PIK3C2G: variants seen among roughly 807,000 people sequenced by gnomAD.
The protein encoded by PIK3C2G is phosphatidylinositol-4-phosphate 3-kinase catalytic subunit type 2 gamma, also known as phosphatidylinositol 3-kinase C2 domain-containing subunit gamma.
A neutral mutation model predicts 181.1 loss-of-function variants in PIK3C2G; 168 were observed. That is an observed-to-expected ratio of 0.93 (90% CI 0.82 to 1.05). The LOEUF (loss-of-function observed/expected upper bound fraction) is 1.05, where lower values mean the gene tolerates loss of function less well. PIK3C2G is among the 50% of genes least tolerant of loss of function. The probability of loss-of-function intolerance (pLI) is 0.00; values close to 1 mark genes in which losing one functional copy is unlikely to be tolerated. For missense variants in PIK3C2G, 1,869 were observed against 1,732.8 expected, an observed-to-expected ratio of 1.08 and a Z score of -1.40; for synonymous variants, 573 against 592.2, an observed-to-expected ratio of 0.97 and a Z score of 0.47.
chr12:18,312,688 C>T (rs1950690373), intron 5 of PIK3C2G, among the ~76,000 whole-genome samples: 1 of 151,998 alleles, frequency 6.6e-6, no homozygotes, highest in Non-Finnish European at 1.5e-5. Context: ...CCTATGGATA[C>T]CCCAGGGACA....
chr12:18,676,189 A>C, the PIK3C2G span, among the ~76,000 whole-genome samples: 2 of 152,138 alleles, frequency 1.3e-5, no homozygotes, highest in African/African-American at 4.8e-5. Context: ...GAACTGAAAA[A>C]ACAAGAGAAA....
At chr12:18,353,809 G>A (rs1225459058) in intron 11 of PIK3C2G, among the ~76,000 whole-genome samples, 3 of 152,178 alleles carry the variant, frequency 2.0e-5, no homozygotes, top group Non-Finnish European at 4.4e-5. Flanking sequence ...AGGCCTCTCA[G>A]CCTTTCCAGA....
At chr12:18,286,967 T>C in intron 3 of PIK3C2G, 38 bp downstream of exon 3, 1 of 1,103,346 alleles carries the variant, frequency 9.1e-7, no homozygotes, top group Non-Finnish European at 1.3e-6. Context: ...GAAATTTTTG[T>C]GCCTGAATAA....
chr12:18,404,308 CATTT>C (rs1339636294), intron 16 of PIK3C2G, among the ~76,000 whole-genome samples: 1 of 152,046 alleles, frequency 6.6e-6, no homozygotes, highest in Non-Finnish European at 1.5e-5. Context: ...GTATCTTTTC[CATTT>C]ATTTATTGAA....
At chr12:18,659,617 G>A in the PIK3C2G span, among the ~76,000 whole-genome samples, 11 of 149,716 alleles carry the variant, frequency 7.3e-5, no homozygotes, top group South Asian at 2.1e-4. Context: ...TTTCATTTAC[G>A]TGTCAGGCCT....
intron 25 of PIK3C2G, among the ~76,000 whole-genome samples, chr12:18,539,614 T>A (rs1944045070): frequency 6.6e-6 from 1 of 151,926 alleles, no homozygotes; most frequent in South Asian, 2.1e-4. Context: ...GGCATCATAT[T>A]GGTCAGCACA....
the PIK3C2G span, chr12:18,696,322 C>CTATATAGATATATATATA: frequency 4.0e-6 from 1 of 253,072 alleles, no homozygotes; most frequent in Non-Finnish European, 6.8e-6. Context: ...TAAAAAGCCA[C>CTATATAGATATATATATA]TATATATATA....
At chr12:18,347,981 T>C (rs1939840004) in intron 11 of PIK3C2G, among the ~76,000 whole-genome samples, 1 of 152,088 alleles carries the variant, frequency 6.6e-6, no homozygotes, top group African/African-American at 2.4e-5. Flanking sequence ...ATATTTTTAT[T>C]CTTTTTCCTT....
chr12:18,431,833 G>A (rs936891221), intron 18 of PIK3C2G, among the ~76,000 whole-genome samples: 1 of 152,164 alleles, frequency 6.6e-6, no homozygotes, highest in Non-Finnish European at 1.5e-5. Context: ...TTGATCTGCT[G>A]TAATCATCTT....
At chr12:18,393,326 A>C (rs950650388) in intron 15 of PIK3C2G, among the ~76,000 whole-genome samples, 5 of 152,084 alleles carry the variant, frequency 3.3e-5, no homozygotes, top group Non-Finnish European at 7.4e-5. Context: ...CTGGACTGTG[A>C]AAATAGATGG....
At chr12:18,723,637 T>C in the PIK3C2G span, 2 of 970,022 alleles carry the variant, frequency 2.1e-6, no homozygotes. Flanking sequence ...TAATTTATAC[T>C]TGAAAGAAGA....
intron 1 of PIK3C2G, among the ~76,000 whole-genome samples, chr12:18,254,839 G>A (rs911427874): frequency 6.6e-6 from 1 of 151,754 alleles, no homozygotes; most frequent in Non-Finnish European, 1.5e-5. Flanking sequence ...GTGACAGAGT[G>A]AGACTCTGTC....
the PIK3C2G span, chr12:18,713,015 T>A: frequency 6.2e-7 from 1 of 1,613,282 alleles, no homozygotes; most frequent in Non-Finnish European, 8.5e-7. Context: ...AATAAAATGT[T>A]ACTCCTGGAC....
At position 18,640,457 on chromosome 12, in the gene PIK3C2G, C is replaced by T. The variant is rs752316527; in HGVS notation, c.4211C>T (p.Ala1404Val). 5 of 1,610,158 alleles carry T rather than the reference C, an allele frequency of 3.1e-6. No individual in the cohort carries two copies. Among genetic ancestry groups the T allele is most frequent in the Non-Finnish European group, 4.2e-6 (5 of 1,177,752 alleles). The change falls in exon 32 of 33, where the codon GCA (alanine) becomes GTA (valine). Residue 1404 changes from alanine to valine, a missense_variant. Coordinates refer to ENST00000538779, the MANE Select transcript of PIK3C2G (RefSeq NM_001288772.2). ...CTCCCAGATGGCTCTGCGCCCAGTG[C>T]ACATGTTGAATTTTATCTTTTACCA... ...IHLPDGSAPS[A>V]HVEFYLLPYP... is the part of the protein sequence containing the mutation.
intron 29 of PIK3C2G, among the ~76,000 whole-genome samples, chr12:18,589,148 A>G (rs1026369986): frequency 5.3e-5 from 8 of 151,926 alleles, no homozygotes; most frequent in Non-Finnish European, 8.8e-5. Flanking sequence ...GGGAACCCAT[A>G]TAACAAACCT....
intron 29 of PIK3C2G, among the ~76,000 whole-genome samples, chr12:18,576,879 T>C (rs901032873): frequency 1.3e-5 from 2 of 152,214 alleles, no homozygotes; most frequent in African/African-American, 4.8e-5. Flanking sequence ...GATATGGCAG[T>C]AGCTGTAAAG....
upstream of PIK3C2G, among the ~76,000 whole-genome samples, chr12:18,244,541 C>A (rs1948019772): frequency 6.6e-6 from 1 of 151,894 alleles, no homozygotes; most frequent in African/African-American, 2.4e-5. Context: ...CCAGGAGATC[C>A]ACAAATCCAA....
chr12:18,718,866 G>C, the PIK3C2G span, among the ~76,000 whole-genome samples: 3 of 152,122 alleles, frequency 2.0e-5, no homozygotes, highest in Non-Finnish European at 4.4e-5. Context: ...TGACTAAACT[G>C]AAGTCTGGTA....
At chr12:18,524,025 G>A (rs1253938921) in intron 24 of PIK3C2G, among the ~76,000 whole-genome samples, 5 of 152,188 alleles carry the variant, frequency 3.3e-5, no homozygotes, top group African/African-American at 7.2e-5. Context: ...CAGATGAAGA[G>A]CAACCCCCAC....
Sources: allele counts gnomAD v4.1 joint callset (sites outside exome capture counted in the v4.1 genomes callset), GRCh38; gene constraint gnomAD v4.1.1; transcripts MANE v1.5; gene names NCBI Gene and HGNC (gene_info 2026-07-23, HGNC 2026-07-21).